The following CCDC93 variants were observed in gnomAD, a reference collection of about 807,000 sequenced individuals.
The protein encoded by CCDC93 is coiled-coil domain-containing protein 93.
In CCDC93, 61 loss-of-function variants were observed where a neutral mutation model predicts 108.2. That is an observed-to-expected ratio of 0.56 (90% CI 0.46 to 0.70). The LOEUF (loss-of-function observed/expected upper bound fraction) is 0.70. CCDC93 is among the 30% of genes least tolerant of loss of function. The probability of loss-of-function intolerance (pLI) is 0.00; values close to 1 mark genes in which losing one functional copy is unlikely to be tolerated. For synonymous variants in CCDC93, 276 were observed against 260.4 expected (o/e 1.06, Z -0.58); for missense variants, 685 against 764.2 (o/e 0.90, Z 1.22).
chr2:117,991,283 G>C (rs773732028), intron 6 of CCDC93, among the ~76,000 whole-genome samples: 4 of 152,168 alleles, frequency 2.6e-5, no homozygotes, highest in African/African-American at 9.7e-5. Flanking sequence ...CAATGTTCTC[G>C]TAAGGAAATG....
chr2:117,935,697 G>C (rs564531481), intron 21 of CCDC93, 118 bp from the exon 22 acceptor site: 5 of 667,866 alleles, frequency 7.5e-6, no homozygotes, highest in Admixed American at 2.8e-5. Context: ...TCAGGTCTTT[G>C]TAACGCACAG....
At chr2:117,983,799 C>T (rs1413611783) in intron 7 of CCDC93, among the ~76,000 whole-genome samples, 2 of 152,010 alleles carry the variant, frequency 1.3e-5, no homozygotes, top group Non-Finnish European at 2.9e-5. Context: ...TGGAATAGAA[C>T]ACACACTTGT....
intron 3 of CCDC93, among the ~76,000 whole-genome samples, chr2:118,005,915 C>T (rs1016473457): frequency 6.6e-5 from 10 of 152,180 alleles, no homozygotes; most frequent in African/African-American, 2.4e-4. Context: ...ACAGATACCA[C>T]CTCCACTTGG....
At chr2:117,998,815 A>G (rs1680747647) in intron 4 of CCDC93, 1 of 152,256 alleles carries the variant, frequency 6.6e-6, no homozygotes, top group South Asian at 2.1e-4. Context: ...AGGTTTCAAT[A>G]ATAATCAACA....
intron 10 of CCDC93, 76 bp downstream of exon 10, chr2:117,974,774 G>A: frequency 9.1e-7 from 1 of 1,102,478 alleles, no homozygotes; most frequent in Admixed American, 2.0e-5. Flanking sequence ...GAGAAGGTGG[G>A]CTCTCTGGGA....
chr2:117,935,661 C>A, intron 21 of CCDC93, 82 bp from the exon 22 acceptor site: 1 of 1,029,004 alleles, frequency 9.7e-7, no homozygotes, highest in East Asian at 2.4e-5. Flanking sequence ...GCTCTGTATC[C>A]AGATTATGAC....
chr2:117,930,350 A>T (rs888466864), intron 23 of CCDC93, among the ~76,000 whole-genome samples: 1 of 152,196 alleles, frequency 6.6e-6, no homozygotes, highest in Non-Finnish European at 1.5e-5. Flanking sequence ...CTAGCAAGGG[A>T]CCAAATGAAG....
At chr2:117,960,972 T>TA (rs1573491228) in intron 11 of CCDC93, among the ~76,000 whole-genome samples, 2 of 152,208 alleles carry the variant, frequency 1.3e-5, no homozygotes, top group East Asian at 3.9e-4. Context: ...TGAATTAAAA[T>TA]ACACAAGCTA....
At chr2:117,933,219 A>C (rs1212365734) in intron 22 of CCDC93, among the ~76,000 whole-genome samples, 1 of 152,232 alleles carries the variant, frequency 6.6e-6, no homozygotes, top group Admixed American at 6.5e-5. Flanking sequence ...TGAAATGGTA[A>C]GTGAATGATC....
Position 117,919,228 on chromosome 2 carries a change from G to GTCTC in CCDC93, c.*1111_*1114dup, listed in dbSNP as rs1239104395. ...AGTCTCAGCCCTACTTCCCAGACGG[G>GTCTC]TCTCTGAAGCCTCCTGCAGAGACTA... On this transcript the variant is annotated 3_prime_UTR_variant, in exon 24 of 24. Transcript: ENST00000376300. The GTCTC allele has an allele frequency of 6.6e-6, 1 of 152,190 alleles. No individual in the cohort carries two copies. Among genetic ancestry groups the GTCTC allele is most frequent in the African/African-American group, 2.4e-5 (1 of 41,402 alleles). 9.4% of individuals were successfully genotyped at this position (152,190 alleles called of 1,614,324 possible).
At chr2:117,999,473 A>G (rs1003175011) in intron 4 of CCDC93, 3 of 152,210 alleles carry the variant, frequency 2.0e-5, no homozygotes, top group African/African-American at 7.2e-5. Flanking sequence ...TAAACGCTTC[A>G]AAGAACTCTA....
chr2:118,010,059 A>G (rs1290796623), intron 1 of CCDC93, among the ~76,000 whole-genome samples: 1 of 152,066 alleles, frequency 6.6e-6, no homozygotes, highest in African/African-American at 2.4e-5. Context: ...CTCCTGCCTC[A>G]GCTTCCCGAG....
intron 20 of CCDC93, among the ~76,000 whole-genome samples, chr2:117,938,556 A>AAAAGAAAAAAAAGACAAG (rs1491289255): frequency 1.1e-3 from 2 of 1,872 alleles, no homozygotes; most frequent in African/African-American, 2.5e-3. Context: ...AAAAGACAAG[A>AAAAGAAAAAAAAGACAAG]AAAAAAAAAA....
intron 22 of CCDC93, among the ~76,000 whole-genome samples, chr2:117,932,071 T>G (rs1466427326): frequency 2.6e-5 from 4 of 151,882 alleles, no homozygotes; most frequent in Non-Finnish European, 5.9e-5. Context: ...GGAGGGTGGG[T>G]GCATGGCCTC....
chr2:117,947,083 T>A (rs1678898191), intron 15 of CCDC93, among the ~76,000 whole-genome samples: 2 of 152,180 alleles, frequency 1.3e-5, no homozygotes, highest in African/African-American at 4.8e-5. Flanking sequence ...TATTCCTCCA[T>A]CAAAAGAGGT....
At chr2:117,948,935 C>T (rs1157427158) in intron 14 of CCDC93, among the ~76,000 whole-genome samples, 6 of 152,166 alleles carry the variant, frequency 3.9e-5, no homozygotes, top group Non-Finnish European at 7.3e-5. Flanking sequence ...CAAGGAGGCA[C>T]GAGCTGTTTA....
intron 11 of CCDC93, among the ~76,000 whole-genome samples, chr2:117,968,181 A>C (rs1679650839): frequency 6.6e-6 from 1 of 152,228 alleles, no homozygotes; most frequent in Non-Finnish European, 1.5e-5. Flanking sequence ...ATGCAGCATT[A>C]GGGAAAGTCC....
intron 7 of CCDC93, among the ~76,000 whole-genome samples, chr2:117,979,340 C>G (rs1173226418): frequency 6.6e-6 from 1 of 152,150 alleles, no homozygotes; most frequent in Non-Finnish European, 1.5e-5. Flanking sequence ...CTGTTCCCCT[C>G]TCGCCCCTGC....
At chr2:117,995,528 A>C in intron 5 of CCDC93, 26 bp from the exon 6 acceptor site, 1 of 1,585,602 alleles carries the variant, frequency 6.3e-7, no homozygotes. Flanking sequence ...GAGCGATTAA[A>C]CAAATCCCAA....
Sources: gnomAD v4.1 joint callset for allele counts (sites outside exome capture counted in the v4.1 genomes callset) on GRCh38, gnomAD v4.1.1 for gene constraint, MANE v1.5 for transcripts, NCBI Gene and HGNC (gene_info 2026-07-23, HGNC 2026-07-21) for gene names.